SGCZ: variants seen among roughly 807,000 people sequenced by gnomAD.
SGCZ encodes sarcoglycan zeta, also known as zeta-sarcoglycan.
SGCZ carries 40 observed loss-of-function variants against 41.3 expected under a neutral mutation model. The observed-to-expected ratio is 0.97, with a 90% CI of 0.75 to 1.26. The LOEUF is 1.26. Ranked by LOEUF, SGCZ falls within the 50% of genes most tolerant of loss-of-function variation. The probability of loss-of-function intolerance (pLI) is 0.00; values close to 1 mark genes in which losing one functional copy is unlikely to be tolerated. For missense variants in SGCZ, 552 were observed against 369.8 expected, an observed-to-expected ratio of 1.49 and a Z score of -4.04; for synonymous variants, 206 against 137.5, an observed-to-expected ratio of 1.50 and a Z score of -3.49.
chr8:14,809,799 G>C (rs1490627129), intron 1 of SGCZ, among the ~76,000 whole-genome samples: 2 of 152,058 alleles, frequency 1.3e-5, no homozygotes, highest in East Asian at 1.9e-4. Context: ...CAACAGAAAA[G>C]TCAACATTAG....
At chr8:14,910,022 C>T (rs1315552135) in intron 1 of SGCZ, among the ~76,000 whole-genome samples, 1 of 152,098 alleles carries the variant, frequency 6.6e-6, no homozygotes, top group Non-Finnish European at 1.5e-5. Flanking sequence ...TATCTAGCCA[C>T]TTATGTCCCC....
chr8:14,372,772 A>G (rs1803960076), intron 2 of SGCZ, among the ~76,000 whole-genome samples: 1 of 152,138 alleles, frequency 6.6e-6, no homozygotes, highest in South Asian at 2.1e-4. Flanking sequence ...ATAGCAAGGA[A>G]ACCAGTGGGA....
intron 2 of SGCZ, among the ~76,000 whole-genome samples, chr8:14,477,207 A>G (rs932806492): frequency 2.0e-5 from 3 of 152,180 alleles, no homozygotes; most frequent in Admixed American, 2.0e-4. Context: ...TTATAAAATT[A>G]TTCATATGAA....
chr8:14,736,291 C>T (rs1799026906), intron 1 of SGCZ, among the ~76,000 whole-genome samples: 4 of 152,094 alleles, frequency 2.6e-5, no homozygotes, highest in African/African-American at 9.7e-5. Flanking sequence ...GGATCATCAT[C>T]ACAATTAAGC....
At chr8:14,171,095 C>A (rs1804365267) in intron 4 of SGCZ, among the ~76,000 whole-genome samples, 1 of 149,004 alleles carries the variant, frequency 6.7e-6, no homozygotes, top group South Asian at 2.1e-4. Flanking sequence ...AAATATTTTA[C>A]TAAAATGTTT....
chr8:14,139,948 C>T (rs1257043143), intron 5 of SGCZ, among the ~76,000 whole-genome samples: 1 of 152,084 alleles, frequency 6.6e-6, no homozygotes, highest in African/African-American at 2.4e-5. Flanking sequence ...AAAATACTGG[C>T]AAACCAAATC....
chr8:14,889,265 G>C (rs1330403764), intron 1 of SGCZ, among the ~76,000 whole-genome samples: 2 of 151,046 alleles, frequency 1.3e-5, no homozygotes, highest in Non-Finnish European at 2.9e-5. Context: ...CTTTCTTCAA[G>C]CTTAGCTTTA....
intron 1 of SGCZ, among the ~76,000 whole-genome samples, chr8:14,720,532 T>C (rs1041951774): frequency 2.6e-5 from 4 of 151,860 alleles, no homozygotes; most frequent in South Asian, 4.2e-4. Context: ...CTGGATTTCC[T>C]AGGTTCACTC....
chr8:14,353,722 T>G (rs1292875054), intron 2 of SGCZ, among the ~76,000 whole-genome samples: 1 of 152,106 alleles, frequency 6.6e-6, no homozygotes, highest in Non-Finnish European at 1.5e-5. Flanking sequence ...TGTCTCTTCT[T>G]CTGAAATTTA....
intron 1 of SGCZ, among the ~76,000 whole-genome samples, chr8:15,160,184 A>C (rs62499835): frequency 0.16 from 24,480 of 151,920 alleles, 2,103 homozygotes; most frequent in Non-Finnish European, 0.2. Flanking sequence ...GAATCTGACT[A>C]CTCTAGACAT....
intron 1 of SGCZ, among the ~76,000 whole-genome samples, chr8:14,784,057 T>A (rs1269452225): frequency 2.3e-5 from 1 of 43,442 alleles, no homozygotes. Flanking sequence ...TTTAATGTTT[T>A]TTTTTTTTTT....
intron 2 of SGCZ, among the ~76,000 whole-genome samples, chr8:14,398,641 T>C (rs7014112): frequency 6.6e-6 from 1 of 152,242 alleles, no homozygotes; most frequent in South Asian, 2.1e-4. Flanking sequence ...TTATTTTTTT[T>C]AAAAACTGAG....
chr8:14,801,791 A>T (rs1563279273), intron 1 of SGCZ, among the ~76,000 whole-genome samples: 1 of 152,056 alleles, frequency 6.6e-6, no homozygotes, highest in South Asian at 2.1e-4. Context: ...TTCTGAGGTA[A>T]GGAAAAAGAG....
At chr8:14,813,043 G>A (rs1486869066) in intron 1 of SGCZ, among the ~76,000 whole-genome samples, 1 of 152,132 alleles carries the variant, frequency 6.6e-6, no homozygotes, top group Non-Finnish European at 1.5e-5. Flanking sequence ...TAATTGAAAT[G>A]TTAAATACTC....
chr8:14,099,546 G>C (rs925570772), intron 7 of SGCZ, among the ~76,000 whole-genome samples: 1 of 152,090 alleles, frequency 6.6e-6, no homozygotes, highest in Non-Finnish European at 1.5e-5. Context: ...CCAACATGGC[G>C]ACACCCTGTC....
chr8:14,280,152 C>A (rs945163357), intron 3 of SGCZ, among the ~76,000 whole-genome samples: 1 of 151,920 alleles, frequency 6.6e-6, no homozygotes, highest in Non-Finnish European at 1.5e-5. Context: ...TATACAGAAT[C>A]TTCCATCACT....
Position 14,459,538 on chromosome 8 carries a change from G to C in SGCZ, c.234+95194C>G, listed in dbSNP as rs986962035. On this transcript the variant is annotated intron_variant, in intron 2 of 7. Transcript: ENST00000382080. ...GCAAGATCTATTGATAGATGCTAAT[G>C]TGAGTAAACAGAAGTTTGAGGAGAA... Among the ~76,000 whole-genome samples the C allele has an allele frequency of 1.1e-4, 16 of 152,286 alleles. No individual in the cohort carries two copies. The East Asian group carries it at 3.1e-3, about 29-fold the overall frequency.
At chr8:14,672,306 A>C (rs763295198) in intron 1 of SGCZ, among the ~76,000 whole-genome samples, 1 of 152,140 alleles carries the variant, frequency 6.6e-6, no homozygotes, top group South Asian at 2.1e-4. Context: ...TTAATGCCCA[A>C]TGTCTCATAT....
At chr8:14,819,507 G>T (rs1457906760) in intron 1 of SGCZ, among the ~76,000 whole-genome samples, 2 of 152,116 alleles carry the variant, frequency 1.3e-5, no homozygotes, top group East Asian at 3.9e-4. Flanking sequence ...CTGCAAACAT[G>T]AGAAGGATAA....
Sources: allele counts gnomAD v4.1 joint callset (sites outside exome capture counted in the v4.1 genomes callset), GRCh38; gene constraint gnomAD v4.1.1; transcripts MANE v1.5; gene names NCBI Gene and HGNC (gene_info 2026-07-23, HGNC 2026-07-21).